The following TSBP1 variants were observed in gnomAD, a reference collection of about 807,000 sequenced individuals.
TSBP1 encodes testis-expressed basic protein 1.
Under a neutral mutation model 68.8 loss-of-function variants are expected in TSBP1, and 56 were observed. The observed-to-expected ratio is 0.81, with a 90% CI of 0.66 to 1.02. The LOEUF (loss-of-function observed/expected upper bound fraction) is 1.02. TSBP1 is among the 50% of genes least tolerant of loss of function. The probability of loss-of-function intolerance (pLI) is 0.00; values close to 1 mark genes in which losing one functional copy is unlikely to be tolerated. For synonymous variants in TSBP1, 171 were observed against 208.7 expected (o/e 0.82, Z 1.56); for missense variants, 502 against 641.2 (o/e 0.78, Z 2.34).
intron 16 of TSBP1, chr6:32,324,366 CTTG>C: frequency 1.8e-6 from 1 of 555,098 alleles, no homozygotes; most frequent in East Asian, 3.8e-5. Context: ...AAGGTAGTCT[CTTG>C]TTGATGGGCT....
At chr6:32,313,238 T>G (rs1440861201) in intron 19 of TSBP1, among the ~76,000 whole-genome samples, 2 of 151,954 alleles carry the variant, frequency 1.3e-5, no homozygotes, top group East Asian at 3.9e-4. Context: ...CTTATTTTTC[T>G]ACATGAATTT....
chr6:32,326,135 G>A (rs1768196629), intron 16 of TSBP1: 2 of 1,407,394 alleles, frequency 1.4e-6, no homozygotes, highest in Non-Finnish European at 2.0e-6. Flanking sequence ...GGCTATTGTG[G>A]TTCCAGTAGC....
At position 32,343,332 on chromosome 6, in the gene TSBP1, G is replaced by T; in HGVS notation, c.350-3694C>A. ...CATCAATTTCCCAAAAGTCTTCCCAGAAATAGTGTCCTCCCTCAGGTTATT... is the reference window on the plus strand; with the variant it reads ...CATCAATTTCCCAAAAGTCTTCCCATAAATAGTGTCCTCCCTCAGGTTATT... On this transcript the variant is annotated intron_variant, in intron 9 of 22. Transcript: ENST00000612031. This position sits in a 1 kb window ranked among gnomAD's most constrained non-coding sequence, Gnocchi z 4.3. 1.1e-6 allele frequency: 1 copy of T among 907,348 alleles called. No homozygotes were observed. Among genetic ancestry groups the T allele is most frequent in the Non-Finnish European group, 1.5e-6 (1 of 647,578 alleles). 56.2% of individuals were successfully genotyped at this position (907,348 alleles called of 1,614,324 possible). A position where few individuals can be genotyped will look rare whatever the true frequency, so the allele number is the denominator to read the frequency against.
chr6:32,337,384 A>T lies in TSBP1; in HGVS notation c.410-749T>A, dbSNP rs993927567. Among the ~76,000 whole-genome samples, 1 of 152,146 alleles carries T rather than the reference A, an allele frequency of 6.6e-6. No individual in the cohort carries two copies. Among genetic ancestry groups the T allele is most frequent in the Non-Finnish European group, 1.5e-5 (1 of 68,028 alleles). ...CTTTCCCCACGGGTGTCCTGCTTGT[A>T]TCTCAGGAGATTACACAGGCCATTG... On this transcript the variant is annotated intron_variant, in intron 11 of 22. Coordinates refer to ENST00000612031, the Ensembl canonical transcript of TSBP1. The surrounding 1 kb of genome is among the most constrained non-coding windows in gnomAD (Gnocchi z 5.5).
At chr6:32,300,448 T>C (rs375295753) in intron 21 of TSBP1, among the ~76,000 whole-genome samples, 17 of 152,308 alleles carry the variant, frequency 1.1e-4, no homozygotes, top group Admixed American at 1.3e-4. Context: ...GAATATATGC[T>C]ACCAATAATC....
rs934563112 is a variant in TSBP1, at chr6:32,302,240, G to A, written c.601+369C>T. ...GGCTAAGGCAAGGGGATCGTTTGAG[G>A]CCAGGACTTTGAGACCAGCCTAGGC... On this transcript the variant is annotated intron_variant, in intron 20 of 22. Transcript: ENST00000612031. The surrounding 1 kb of genome is among the most constrained non-coding windows in gnomAD (Gnocchi z 5.1). Among the ~76,000 whole-genome samples the A allele has an allele frequency of 2.6e-5, 4 of 151,972 alleles. No homozygotes were observed. The highest frequency in any genetic ancestry group is 5.9e-5 in the Non-Finnish European group (4 of 67,984).
In TSBP1 at chr6:32,315,804, GC is replaced by G. The variant is rs1277072803; in HGVS notation, c.560-13del. ...TCTCTGCGAAATTACTAAAAAATAA[GC>G]AAAAAGAAATCCATTTAATTTTTCT... On this transcript the variant is annotated splice_polypyrimidine_tract_variant and intron_variant, in intron 18 of 22. Coordinates refer to ENST00000612031, the Ensembl canonical transcript of TSBP1. This position sits in a 1 kb window ranked among gnomAD's most constrained non-coding sequence, Gnocchi z 5.4. The G allele has an allele frequency of 8.8e-6, 13 of 1,480,648 alleles. No homozygotes were observed. The highest frequency in any genetic ancestry group is 1.2e-5 in the Non-Finnish European group (13 of 1,098,442). 91.7% of individuals were successfully genotyped at this position (1,480,648 alleles called of 1,614,324 possible).
At chr6:32,363,261 T>C (rs142318817) in intron 6 of TSBP1, among the ~76,000 whole-genome samples, 4 of 152,270 alleles carry the variant, frequency 2.6e-5, no homozygotes, top group African/African-American at 9.6e-5. Flanking sequence ...TATGTATCCT[T>C]AGAGCTGGAG....
intron 17 of TSBP1, 94 bp downstream of exon 18, chr6:32,323,497 G>T: frequency 8.4e-7 from 1 of 1,197,570 alleles, no homozygotes; most frequent in Non-Finnish European, 1.2e-6. Context: ...TGCACACAGA[G>T]TTAGAAATGA....
intron 16 of TSBP1, 60 bp from the exon 18 acceptor site, chr6:32,323,674 T>G: frequency 6.6e-7 from 1 of 1,517,762 alleles, no homozygotes; most frequent in South Asian, 1.1e-5. Context: ...TTCCTTTCTA[T>G]GTAGAGAGTT....
Position 32,365,277 on chromosome 6 carries a change from G to C in TSBP1, c.217+890C>G. On this transcript the variant is annotated intron_variant, in intron 6 of 22. Transcript: ENST00000612031. The surrounding 1 kb of genome is among the most constrained non-coding windows in gnomAD (Gnocchi z 4.3). ...GAGCCTTCCCTTTGTTTTCCCTAGGGTGGTGCTCTGGAATTCTCAAGTTTG... is the reference window on the plus strand; with the variant it reads ...GAGCCTTCCCTTTGTTTTCCCTAGGCTGGTGCTCTGGAATTCTCAAGTTTG... 1 of 456,446 alleles carries C rather than the reference G, an allele frequency of 2.2e-6. No individual in the cohort carries two copies. The allele number at this position is 456,446 out of a possible 1,614,324, so 28.3% of individuals were successfully genotyped here. A position where few individuals can be genotyped will look rare whatever the true frequency, so the allele number is the denominator to read the frequency against.
At chr6:32,293,084 A>T (rs1764313592) in exon 23 of TSBP1, 1 of 1,610,060 alleles carries the variant, frequency 6.2e-7, no homozygotes, top group African/African-American at 1.3e-5. Flanking sequence ...CTTTCCTTTA[A>T]CTTTGTCCTT....
chr6:32,323,170 C>G, intron 17 of TSBP1, 33 bp from the exon 19 acceptor site: 1 of 1,476,962 alleles, frequency 6.8e-7, no homozygotes, highest in Non-Finnish European at 9.4e-7. Flanking sequence ...GTGAAGATTT[C>G]TTTGAAAGAA....
intron 20 of TSBP1, among the ~76,000 whole-genome samples, 162 bp from the exon 24 acceptor site, chr6:32,300,862 G>A (rs994737615): frequency 1.3e-5 from 2 of 152,106 alleles, no homozygotes; most frequent in African/African-American, 4.8e-5. Context: ...TTTGCCCAGT[G>A]TAGTTTACAA....
In TSBP1 at chr6:32,366,165, AC is replaced by A; in HGVS notation, c.217+1del. The A allele has an allele frequency of 6.2e-7, 1 of 1,602,030 alleles. No individual in the cohort carries two copies. The highest frequency in any genetic ancestry group is 8.5e-7 in the Non-Finnish European group (1 of 1,175,548). On this transcript the variant is annotated splice_donor_variant, in intron 6 of 22. Coordinates refer to ENST00000612031, the Ensembl canonical transcript of TSBP1. LOFTEE classifies it high-confidence loss of function. ...TTTACAAAAATCTCTACATATACTT[AC>A]CTCGGTTATCATATGAAGTGTCTAG... is the stretch of plus-strand genomic sequence containing the variant.
intron 21 of TSBP1, 115 bp from the exon 25 acceptor site, chr6:32,300,051 A>ACTTAGAAACAGGACTTGG: frequency 2.0e-5 from 17 of 831,900 alleles, no homozygotes; most frequent in Admixed American, 5.5e-5. Context: ...AGGGAGCACA[A>ACTTAGAAACAGGACTTGG]AACTCTGTTT....
chr6:32,336,550 G>C lies in TSBP1; in HGVS notation c.430+65C>G, dbSNP rs1463052393. On this transcript the variant is annotated intron_variant, in intron 12 of 22. Coordinates refer to ENST00000612031, the Ensembl canonical transcript of TSBP1. The surrounding 1 kb of genome is among the most constrained non-coding windows in gnomAD (Gnocchi z 5.2). ...ATTTTTAAAAATGCAGGGCAGATCA[G>C]GCCCCAAGACCTTGTAGGTCAGATA... The C allele has an allele frequency of 4.2e-5, 56 of 1,328,902 alleles. No homozygotes were observed. Among genetic ancestry groups the C allele is most frequent in the Non-Finnish European group, 5.7e-5 (53 of 925,552 alleles). 82.3% of individuals were successfully genotyped at this position (1,328,902 alleles called of 1,614,324 possible). A position where few individuals can be genotyped will look rare whatever the true frequency, so the allele number is the denominator to read the frequency against.
At position 32,306,910 on chromosome 6, in the gene TSBP1, T is replaced by C. The variant is rs1195620324; in HGVS notation, c.581-4281A>G. Reference sequence around the variant, plus strand: ...GTATTCATTTTGCAGTATTTCCATTTTTTTAGTGCATTTTCTTATGATTTT... The same window carrying C: ...GTATTCATTTTGCAGTATTTCCATTCTTTTAGTGCATTTTCTTATGATTTT... On this transcript the variant is annotated intron_variant, in intron 19 of 22. Transcript: ENST00000612031. The surrounding 1 kb of genome is among the most constrained non-coding windows in gnomAD (Gnocchi z 5.1). Among the ~76,000 whole-genome samples the C allele has an allele frequency of 1.3e-5, 2 of 152,342 alleles. No individual in the cohort carries two copies. The highest frequency in any genetic ancestry group is 4.8e-5 in the African/African-American group (2 of 41,594).
rs955877119 is a variant in TSBP1 at position 32,302,989 on chromosome 6, C to T, written c.581-360G>A. Among the ~76,000 whole-genome samples the T allele has an allele frequency of 1.3e-5, 2 of 152,232 alleles. No homozygotes were observed. The highest frequency in any genetic ancestry group is 4.8e-5 in the African/African-American group (2 of 41,466). On this transcript the variant is annotated intron_variant, in intron 19 of 22. Coordinates refer to ENST00000612031, the Ensembl canonical transcript of TSBP1. The surrounding 1 kb of genome is among the most constrained non-coding windows in gnomAD (Gnocchi z 5.1). ...CTTGGTTTAACAAAAGTCAAAATCA[C>T]AACAGTGGCTTTCAAAGATGGCCCT...
Sources: gnomAD v4.1 joint callset for allele counts (sites outside exome capture counted in the v4.1 genomes callset) on GRCh38, gnomAD v4.1.1 for gene constraint, Gnocchi (gnomAD v3.1) non-coding constraint, MANE v1.5 for transcripts, NCBI Gene and HGNC (gene_info 2026-07-23, HGNC 2026-07-21) for gene names.